The following CRB1 variants were observed in gnomAD, a reference collection of about 807,000 sequenced individuals.
CRB1 encodes the protein crumbs cell polarity complex component 1, also known as protein crumbs homolog 1.
A neutral mutation model predicts 120.0 loss-of-function variants in CRB1; 83 were observed. That is an observed-to-expected ratio of 0.69 (90% CI 0.58 to 0.83). The LOEUF is 0.83. CRB1 is among the 40% of genes least tolerant of loss of function. CRB1 has a pLI of 0.00. For synonymous variants in CRB1, 625 were observed against 612.5 expected (o/e 1.02, Z -0.30); for missense variants, 1,699 against 1,687.6 (o/e 1.01, Z -0.12).
At position 197,328,879 on chromosome 1, in the gene CRB1, AG is replaced by A; in HGVS notation, c.530del (p.Gly177AspfsTer29). 1 of 1,614,232 alleles carries A rather than the reference AG, an allele frequency of 6.2e-7. No homozygotes were observed. Among genetic ancestry groups the A allele is most frequent in the Non-Finnish European group, 8.5e-7 (1 of 1,180,034 alleles). On this transcript the variant is annotated frameshift_variant, in exon 2 of 12. Transcript: ENST00000367400. LOFTEE classifies it high-confidence loss of function. ...IDGYSCFCVPGYQGRHCDLEV... is the reference protein window; with the variant it reads ...IDGYSCFCVPXYQGRHCDLEV... ...ATGGTTACTCCTGCTTCTGTGTCCCAGGATATCAAGGCAGACACTGCGACTT... is the reference window on the plus strand; with the variant it reads ...ATGGTTACTCCTGCTTCTGTGTCCCAGATATCAAGGCAGACACTGCGACTT...
At chr1:197,269,284 T>C (rs1297735473) in intron 1 of CRB1, among the ~76,000 whole-genome samples, 2 of 152,228 alleles carry the variant, frequency 1.3e-5, no homozygotes, top group African/African-American at 4.8e-5. Context: ...GCAGCTGCCG[T>C]TGAACAAGAC....
chr1:197,393,585 A>G (rs1331061364), intron 5 of CRB1, among the ~76,000 whole-genome samples: 1 of 152,070 alleles, frequency 6.6e-6, no homozygotes, highest in African/African-American at 2.4e-5. Flanking sequence ...TCTCACTATT[A>G]TTTTACTAGA....
At chr1:197,473,618 G>GA (rs36091967) in intron 11 of CRB1, among the ~76,000 whole-genome samples, 52,363 of 144,968 alleles carry the variant, frequency 0.36, 9,583 homozygotes, top group Middle Eastern at 0.48. Context: ...TCATTTTTCA[G>GA]AAAAAAAAAA....
intron 5 of CRB1, among the ~76,000 whole-genome samples, chr1:197,380,399 T>C (rs1288289883): frequency 2.6e-5 from 4 of 152,194 alleles, no homozygotes; most frequent in African/African-American, 9.7e-5. Context: ...ACTTTCATAA[T>C]ATTGCTTGAA....
intron 2 of CRB1, among the ~76,000 whole-genome samples, chr1:197,336,071 C>G (rs1054131186): frequency 1.3e-5 from 2 of 152,212 alleles, no homozygotes; most frequent in African/African-American, 4.8e-5. Context: ...ACATATTTTA[C>G]CTCCCTGGGT....
chr1:197,438,784 T>C, intron 10 of CRB1, 109 bp downstream of exon 10: 1 of 1,402,988 alleles, frequency 7.1e-7, no homozygotes, highest in Non-Finnish European at 1.0e-6. Context: ...CATAGGAAAA[T>C]CTATGCTGAA....
intron 5 of CRB1, among the ~76,000 whole-genome samples, chr1:197,401,101 C>T (rs1663044569): frequency 6.6e-6 from 1 of 152,014 alleles, no homozygotes; most frequent in African/African-American, 2.4e-5. Context: ...GAGTCCTTGC[C>T]TTTTACTGCT....
intron 5 of CRB1, among the ~76,000 whole-genome samples, chr1:197,407,486 A>C (rs905791082): frequency 2.0e-5 from 3 of 152,162 alleles, no homozygotes; most frequent in East Asian, 1.9e-4. Flanking sequence ...GGGTAGATAA[A>C]ATTTGTGTCT....
intron 1 of CRB1, among the ~76,000 whole-genome samples, chr1:197,300,980 G>A (rs1656828785): frequency 6.6e-6 from 1 of 151,362 alleles, no homozygotes; most frequent in Admixed American, 6.6e-5. Flanking sequence ...TTACAGTATG[G>A]TTTACTGAAT....
Position 197,421,070 on chromosome 1 carries a change from C to T in CRB1, c.1242C>T (p.Asn414=). 1 of 1,614,198 alleles carries T rather than the reference C, an allele frequency of 6.2e-7. No individual in the cohort carries two copies. The highest frequency in any genetic ancestry group is 8.5e-7 in the Non-Finnish European group (1 of 1,180,046). The change falls in exon 6 of 12, where the codon AAC becomes AAT. Residue 414 remains asparagine, a synonymous_variant. Transcript: ENST00000367400. ...NPCQNGGTCE[N]LPGNYTCHCP... ...GCCAAAATGGTGGTACTTGTGAGAA[C>T]TTGCCTGGGAATTATACTTGCCATT... is the stretch of plus-strand genomic sequence containing the variant.
chr1:197,316,948 A>G (rs1657888635), intron 1 of CRB1, among the ~76,000 whole-genome samples: 1 of 151,970 alleles, frequency 6.6e-6, no homozygotes, highest in South Asian at 2.1e-4. Context: ...AATGCCTAGT[A>G]ATAAATTTAA....
chr1:197,364,448 A>T (rs1201808641), intron 5 of CRB1, among the ~76,000 whole-genome samples: 2 of 152,166 alleles, frequency 1.3e-5, no homozygotes. Flanking sequence ...GGGGCTTGTC[A>T]GCCAATTTTT....
intron 2 of CRB1, among the ~76,000 whole-genome samples, chr1:197,333,581 T>G (rs1176425996): frequency 1.3e-5 from 2 of 152,220 alleles, no homozygotes; most frequent in Non-Finnish European, 2.9e-5. Context: ...TAGAAAAATA[T>G]CTTATTCCTC....
At chr1:197,226,010 C>G in the CRB1 span, among the ~76,000 whole-genome samples, 3 of 152,124 alleles carry the variant, frequency 2.0e-5, no homozygotes, top group Admixed American at 1.3e-4. Context: ...AAGCTATTCT[C>G]GTGCCTCAGT....
In CRB1 at chr1:197,427,609, T is replaced by C. The variant is rs747971487; in HGVS notation, c.2284T>C (p.Tyr762His). 12 of 1,613,882 alleles carry C rather than the reference T, an allele frequency of 7.4e-6. No homozygotes were observed. In the Admixed American group the frequency reaches 8.3e-5, roughly 11 times the overall value. ...LLALENSTYQ[Y>H]IRVWLERGRL... ...AGCTTTGGAAAACAGCACTTATCAA[T>C]ATATCCGTGTCTGGCTAGAGCGCGG... is the stretch of plus-strand genomic sequence containing the variant. The change falls in exon 7 of 12, where the codon TAT becomes CAT. Residue 762 changes from tyrosine (Y) to histidine (H), a missense_variant. Tyr to His is a moderately conservative substitution (Grantham distance 83). Transcript: ENST00000367400.
chr1:197,243,803 G>T, the CRB1 span, among the ~76,000 whole-genome samples: 1 of 151,788 alleles, frequency 6.6e-6, no homozygotes, highest in Non-Finnish European at 1.5e-5. Flanking sequence ...ATTGTGTGGG[G>T]GTCTAAGTCT....
chr1:197,208,540 C>T, the CRB1 span, among the ~76,000 whole-genome samples: 6 of 152,140 alleles, frequency 3.9e-5, no homozygotes, highest in African/African-American at 1.2e-4. Context: ...GAAGTGTCTG[C>T]GCAGAGTCCT....
intron 5 of CRB1, among the ~76,000 whole-genome samples, chr1:197,367,600 C>T (rs559317580): frequency 6.6e-6 from 1 of 152,294 alleles, no homozygotes; most frequent in South Asian, 2.1e-4. Flanking sequence ...TTCACGTGAA[C>T]ATTTCATTTC....
intron 5 of CRB1, among the ~76,000 whole-genome samples, chr1:197,376,079 G>T (rs1348970589): frequency 6.6e-6 from 1 of 152,002 alleles, no homozygotes; most frequent in African/African-American, 2.4e-5. Context: ...TTTAACATCT[G>T]CCCCCTTTTC....
Sources: gnomAD v4.1 joint callset for allele counts (sites outside exome capture counted in the v4.1 genomes callset) on GRCh38, gnomAD v4.1.1 for gene constraint, MANE v1.5 for transcripts, NCBI Gene and HGNC (gene_info 2026-07-23, HGNC 2026-07-21) for gene names.